TUSC3: variants seen among roughly 807,000 people sequenced by gnomAD.
The protein encoded by TUSC3 is dolichyl-diphosphooligosaccharide--protein glycosyltransferase subunit TUSC3.
Under a neutral mutation model 44.8 loss-of-function variants are expected in TUSC3, and 45 were observed. That is an observed-to-expected ratio of 1.00 (90% confidence interval 0.79 to 1.29). The LOEUF is 1.29. Among genes scored for constraint, TUSC3 ranks in the 50% most tolerant of loss-of-function variants. TUSC3 has a pLI of 0.00. For synonymous variants in TUSC3, 212 were observed against 152.9 expected (o/e 1.39, Z -2.85); for missense variants, 519 against 437.9 (o/e 1.19, Z -1.65).
At chr8:15,610,881 T>C (rs998404538) in intron 1 of TUSC3, among the ~76,000 whole-genome samples, 3 of 152,014 alleles carry the variant, frequency 2.0e-5, no homozygotes, top group Non-Finnish European at 2.9e-5. Context: ...TCAGGGAAAA[T>C]TTCTGAGGAG....
At chr8:15,781,318 T>TA in the TUSC3 span, among the ~76,000 whole-genome samples, 2 of 152,224 alleles carry the variant, frequency 1.3e-5, no homozygotes, top group Non-Finnish European at 2.9e-5. Context: ...GTCTGGCTCT[T>TA]ACCTTACCTG....
At chr8:15,841,416 C>G in the TUSC3 span, among the ~76,000 whole-genome samples, 5 of 152,110 alleles carry the variant, frequency 3.3e-5, no homozygotes, top group African/African-American at 1.2e-4. Context: ...ACATTTTATT[C>G]TAATATAATC....
chr8:15,605,560 G>A (rs898491900), intron 1 of TUSC3, among the ~76,000 whole-genome samples: 13 of 151,802 alleles, frequency 8.6e-5, no homozygotes, highest in African/African-American at 3.1e-4. Flanking sequence ...TTTAAGATAT[G>A]TGACAATTTG....
chr8:15,515,880 A>G (rs1801210191), intron 2 of TUSC3, among the ~76,000 whole-genome samples: 1 of 151,960 alleles, frequency 6.6e-6, no homozygotes, highest in South Asian at 2.1e-4. Context: ...CATATTGGCC[A>G]GGCTGGTCTT....
intron 7 of TUSC3, among the ~76,000 whole-genome samples, chr8:15,740,446 A>T (rs932224362): frequency 1.3e-5 from 2 of 151,970 alleles, no homozygotes; most frequent in African/African-American, 4.8e-5. Context: ...ACTTCAGTCA[A>T]TTCGTATCTG....
chr8:15,802,667 C>T, the TUSC3 span, among the ~76,000 whole-genome samples: 1 of 147,664 alleles, frequency 6.8e-6, no homozygotes. Flanking sequence ...GGATTAATTA[C>T]TTTTTTTTTT....
chr8:15,704,946 TAAAA>T (rs5889597), intron 6 of TUSC3, among the ~76,000 whole-genome samples: 105 of 149,986 alleles, frequency 7.0e-4, no homozygotes, highest in African/African-American at 2.4e-3. Context: ...CTGTATTCTT[TAAAA>T]AAAAAAAAAT....
chr8:15,681,825 T>C (rs942245716), intron 6 of TUSC3, among the ~76,000 whole-genome samples: 2 of 152,094 alleles, frequency 1.3e-5, no homozygotes, highest in African/African-American at 4.8e-5. Context: ...TCTCTTAATA[T>C]TGCTTTTACT....
intron 1 of TUSC3, among the ~76,000 whole-genome samples, chr8:15,462,822 C>T (rs1231382702): frequency 2.6e-5 from 4 of 152,032 alleles, no homozygotes; most frequent in Non-Finnish European, 4.4e-5. Context: ...ATGCTATTCT[C>T]TTAATAATAA....
chr8:15,544,547 G>T (rs982843384), intron 1 of TUSC3, among the ~76,000 whole-genome samples: 4 of 151,744 alleles, frequency 2.6e-5, no homozygotes, highest in Non-Finnish European at 5.9e-5. Context: ...TATTTCAATT[G>T]CCTTTGACAT....
chr8:15,548,790 C>T (rs1370054090), intron 1 of TUSC3, among the ~76,000 whole-genome samples: 2 of 151,824 alleles, frequency 1.3e-5, no homozygotes, highest in Non-Finnish European at 2.9e-5. Flanking sequence ...CAGAATTCTC[C>T]TTCTACCCTA....
At chr8:15,491,107 C>T (rs533813970) in intron 2 of TUSC3, among the ~76,000 whole-genome samples, 1 of 152,166 alleles carries the variant, frequency 6.6e-6, no homozygotes, top group Non-Finnish European at 1.5e-5. Context: ...TTGTCTCGTG[C>T]TCAGTGAATC....
intron 2 of TUSC3, among the ~76,000 whole-genome samples, chr8:15,625,122 G>T (rs1181054578): frequency 1.3e-5 from 2 of 152,030 alleles, no homozygotes; most frequent in South Asian, 2.1e-4. Flanking sequence ...AGTTTTTCTT[G>T]CCTATGGATA....
intron 7 of TUSC3, among the ~76,000 whole-genome samples, chr8:15,735,898 T>TG (rs1810916986): frequency 6.6e-6 from 1 of 150,500 alleles, no homozygotes. Context: ...TTTGGTTTTT[T>TG]TTTGTATTTT....
At chr8:15,833,828 C>A in the TUSC3 span, among the ~76,000 whole-genome samples, 1 of 126,698 alleles carries the variant, frequency 7.9e-6, no homozygotes, top group African/African-American at 2.9e-5. Context: ...ACATGTACCC[C>A]TGAACTTAAA....
At chr8:15,669,609 CAAA>C (rs978579087) in intron 5 of TUSC3, among the ~76,000 whole-genome samples, 2 of 151,190 alleles carry the variant, frequency 1.3e-5, no homozygotes, top group Non-Finnish European at 1.5e-5. Flanking sequence ...TGCTAATAAA[CAAA>C]AAAATATGAT....
At chr8:15,534,930 G>A (rs1033068883) in intron 2 of TUSC3, among the ~76,000 whole-genome samples, 1 of 152,142 alleles carries the variant, frequency 6.6e-6, no homozygotes, top group African/African-American at 2.4e-5. Context: ...CGCTGGGATT[G>A]GCCAATACTC....
At chr8:15,555,912 A>G (rs1019815) in intron 1 of TUSC3, among the ~76,000 whole-genome samples, 53,502 of 151,310 alleles carry the variant, frequency 0.35, 11,226 homozygotes, top group Non-Finnish European at 0.44. Flanking sequence ...CTCTGATAAA[A>G]ATATATCAAT....
intron 1 of TUSC3, among the ~76,000 whole-genome samples, chr8:15,417,995 C>T (rs1799680487): frequency 6.6e-6 from 1 of 152,176 alleles, no homozygotes; most frequent in Admixed American, 6.5e-5. Flanking sequence ...GAAACTCTGA[C>T]ACTTTATAAC....
Sources: gnomAD v4.1 joint callset for allele counts (sites outside exome capture counted in the v4.1 genomes callset) on GRCh38, gnomAD v4.1.1 for gene constraint, MANE v1.5 for transcripts, NCBI Gene and HGNC (gene_info 2026-07-23, HGNC 2026-07-21) for gene names.